The following PLCXD3 variants were observed in gnomAD, a reference collection of about 807,000 sequenced individuals.
PLCXD3 encodes PI-PLC X domain-containing protein 3.
A neutral mutation model predicts 25.5 loss-of-function variants in PLCXD3; 19 were observed. The ratio of observed to expected loss-of-function variants is 0.75; its 90% CI spans 0.52 to 1.09. The LOEUF (loss-of-function observed/expected upper bound fraction) is 1.09, where lower values mean the gene tolerates loss of function less well. PLCXD3 is among the 50% of genes least tolerant of loss of function. The probability of loss-of-function intolerance (pLI) is 0.00; values close to 1 mark genes in which losing one functional copy is unlikely to be tolerated. For synonymous variants in PLCXD3, 174 were observed against 137.6 expected, an observed-to-expected ratio of 1.26 and a Z score of -1.85; for missense variants, 411 against 388.1, an observed-to-expected ratio of 1.06 and a Z score of -0.50.
intron 1 of PLCXD3, among the ~76,000 whole-genome samples, chr5:41,498,687 C>A (rs933512702): frequency 6.6e-6 from 1 of 151,710 alleles, no homozygotes; most frequent in African/African-American, 2.4e-5. Flanking sequence ...CAAAGGCAGA[C>A]AAAGACACTA....
At chr5:41,346,062 G>A (rs1191516155) in intron 2 of PLCXD3, among the ~76,000 whole-genome samples, 2 of 151,988 alleles carry the variant, frequency 1.3e-5, no homozygotes, top group African/African-American at 2.4e-5. Context: ...TGTATTTTTA[G>A]CAGAGAGGAG....
At chr5:41,475,228 A>AGT (rs1748254114) in intron 1 of PLCXD3, among the ~76,000 whole-genome samples, 1 of 152,236 alleles carries the variant, frequency 6.6e-6, no homozygotes, top group Non-Finnish European at 1.5e-5. Context: ...GGCACTGACC[A>AGT]GTACCTTTTT....
chr5:41,483,372 G>A (rs1437747509), intron 1 of PLCXD3, among the ~76,000 whole-genome samples: 1 of 152,124 alleles, frequency 6.6e-6, no homozygotes, highest in Non-Finnish European at 1.5e-5. Flanking sequence ...AATGACCTAA[G>A]TTCAAGTTCT....
At chr5:41,401,898 A>G (rs984571651) in intron 1 of PLCXD3, among the ~76,000 whole-genome samples, 3 of 151,982 alleles carry the variant, frequency 2.0e-5, no homozygotes, top group South Asian at 4.1e-4. Context: ...AAAGTTGTTC[A>G]TAATATTCTT....
intron 1 of PLCXD3, among the ~76,000 whole-genome samples, chr5:41,395,313 A>T (rs1275303415): frequency 2.6e-5 from 4 of 152,234 alleles, no homozygotes; most frequent in Admixed American, 1.3e-4. Flanking sequence ...AACCTATGGG[A>T]TACAGCAAAA....
At chr5:41,435,788 C>T (rs1030201099) in intron 1 of PLCXD3, among the ~76,000 whole-genome samples, 1 of 152,200 alleles carries the variant, frequency 6.6e-6, no homozygotes, top group African/African-American at 2.4e-5. Context: ...TTTGTGGAGA[C>T]TAAAGATGTT....
intron 1 of PLCXD3, among the ~76,000 whole-genome samples, chr5:41,509,211 G>T (rs1738969469): frequency 6.6e-6 from 1 of 151,980 alleles, no homozygotes; most frequent in Non-Finnish European, 1.5e-5. Context: ...GCTGAGAGGG[G>T]GCGCTGGATG....
intron 2 of PLCXD3, among the ~76,000 whole-genome samples, chr5:41,378,301 A>G (rs1463197385): frequency 1.3e-5 from 2 of 152,102 alleles, no homozygotes; most frequent in East Asian, 1.9e-4. Context: ...CATTCAGAAT[A>G]CAGCTTTGCA....
intron 1 of PLCXD3, among the ~76,000 whole-genome samples, chr5:41,401,095 A>G (rs1216116286): frequency 6.6e-6 from 1 of 151,964 alleles, no homozygotes; most frequent in Admixed American, 6.6e-5. Flanking sequence ...AAACTTGGTT[A>G]GCTTCTAATT....
At chr5:41,384,590 A>G (rs1745578661) in intron 1 of PLCXD3, among the ~76,000 whole-genome samples, 1 of 152,216 alleles carries the variant, frequency 6.6e-6, no homozygotes, top group South Asian at 2.1e-4. Flanking sequence ...GGAATTAAGT[A>G]TAACTAGATT....
intron 1 of PLCXD3, among the ~76,000 whole-genome samples, chr5:41,486,265 A>G (rs1248437635): frequency 6.6e-6 from 1 of 151,616 alleles, no homozygotes; most frequent in Admixed American, 6.6e-5. Context: ...CTGTCAATAT[A>G]TATTAGACTC....
intron 1 of PLCXD3, among the ~76,000 whole-genome samples, chr5:41,464,871 A>G (rs1352148112): frequency 6.6e-6 from 1 of 151,676 alleles, no homozygotes; most frequent in Non-Finnish European, 1.5e-5. Context: ...GTGTTCTTCC[A>G]TTTCATCATT....
intron 1 of PLCXD3, among the ~76,000 whole-genome samples, chr5:41,386,643 G>T (rs963784792): frequency 6.6e-6 from 1 of 152,044 alleles, no homozygotes; most frequent in Non-Finnish European, 1.5e-5. Flanking sequence ...GGCCTGACTT[G>T]AGCAGACAAG....
At chr5:41,470,656 C>G (rs569477187) in intron 1 of PLCXD3, among the ~76,000 whole-genome samples, 172 of 152,304 alleles carry the variant, frequency 1.1e-3, no homozygotes, top group African/African-American at 4.1e-3. Context: ...CTTCTATTGG[C>G]TGAGTTCCTA....
chr5:41,374,306 C>G (rs1745214374), intron 2 of PLCXD3, among the ~76,000 whole-genome samples: 1 of 152,090 alleles, frequency 6.6e-6, no homozygotes, highest in African/African-American at 2.4e-5. Context: ...ACAAAATTTC[C>G]ATAAGAGCAT....
chr5:41,439,018 A>G (rs1186491834), intron 1 of PLCXD3, among the ~76,000 whole-genome samples: 81 of 152,180 alleles, frequency 5.3e-4, no homozygotes, highest in Non-Finnish European at 1.5e-4. Context: ...GTCTTTAGCA[A>G]TCTAAGCAAG....
intron 1 of PLCXD3, among the ~76,000 whole-genome samples, chr5:41,433,067 G>C (rs1047785955): frequency 2.0e-5 from 3 of 152,216 alleles, no homozygotes; most frequent in African/African-American, 7.2e-5. Context: ...CAATTAGCCG[G>C]TGCAGAGGCC....
chr5:41,488,303 C>T (rs1238387169), intron 1 of PLCXD3, among the ~76,000 whole-genome samples: 1 of 134,294 alleles, frequency 7.4e-6, no homozygotes, highest in African/African-American at 2.9e-5. Flanking sequence ...GTATATGTGC[C>T]ACATTTTCTT....
rs1389903113 is a variant in PLCXD3 at position 41,310,158 on chromosome 5, A to T, written c.*3459T>A. ...CAATATTGAGGTCATCATATAGAAT[A>T]TCCTAAGGCTTTTAAAAGATGCCTC... On this transcript the variant is annotated 3_prime_UTR_variant, in exon 3 of 3. Coordinates refer to ENST00000377801, the MANE Select transcript of PLCXD3 (RefSeq NM_001005473.3). 6.6e-6 allele frequency: 1 copy of T among 152,162 alleles called. No homozygotes were observed. The highest frequency in any genetic ancestry group is 1.5e-5 in the Non-Finnish European group (1 of 68,016). The allele number at this position is 152,162 out of a possible 1,614,324, so 9.4% of individuals were successfully genotyped here. A position where few individuals can be genotyped will look rare whatever the true frequency, so the allele number is the denominator to read the frequency against.
Sources: gnomAD v4.1 joint callset for allele counts (sites outside exome capture counted in the v4.1 genomes callset) on GRCh38, gnomAD v4.1.1 for gene constraint, MANE v1.5 for transcripts, NCBI Gene and HGNC (gene_info 2026-07-23, HGNC 2026-07-21) for gene names.